Variants in CD163L1 observed in about 807,000 individuals in gnomAD.
CD163L1 encodes the protein scavenger receptor cysteine-rich type 1 protein M160.
A neutral mutation model predicts 165.4 loss-of-function variants in CD163L1; 124 were observed. That is an observed-to-expected ratio of 0.75 (90% CI 0.65 to 0.87). The LOEUF is 0.87. Ranked by LOEUF, CD163L1 falls within the 40% of genes least tolerant of loss-of-function variation. The pLI, the probability that CD163L1 is intolerant of heterozygous loss-of-function variation, is 0.00. For synonymous variants in CD163L1, 585 were observed against 662.2 expected (o/e 0.88, Z 1.79); for missense variants, 1,525 against 1,799.9 (o/e 0.85, Z 2.76).
chr12:7,339,504 C>T, the CD163L1 span, among the ~76,000 whole-genome samples: 1 of 152,176 alleles, frequency 6.6e-6, no homozygotes, highest in Non-Finnish European at 1.5e-5. Context: ...CTTTGCCCTT[C>T]ACCTCTGGGT....
the CD163L1 span, chr12:7,323,603 G>A: frequency 1.9e-6 from 3 of 1,545,472 alleles, no homozygotes; most frequent in South Asian, 3.4e-5. Context: ...TACAGACTTG[G>A]GTTCAAATTT....
intron 4 of CD163L1, among the ~76,000 whole-genome samples, chr12:7,349,112 A>G (rs931492370): frequency 6.6e-5 from 10 of 152,330 alleles, no homozygotes; most frequent in African/African-American, 2.4e-4. Flanking sequence ...GAATGTCTCT[A>G]CGGAAATATG....
At chr12:7,331,649 C>T in the CD163L1 span, among the ~76,000 whole-genome samples, 1 of 152,186 alleles carries the variant, frequency 6.6e-6, no homozygotes, top group Non-Finnish European at 1.5e-5. Context: ...CTGCAGCCAC[C>T]GCTGCTGATA....
intron 2 of CD163L1, 108 bp from the exon 3 acceptor site, chr12:7,433,802 G>T: frequency 1.2e-6 from 1 of 819,556 alleles, no homozygotes; most frequent in Non-Finnish European, 1.9e-6. Flanking sequence ...GTTGTTATTA[G>T]AACTTATAGT....
At chr12:7,333,275 A>G in the CD163L1 span, among the ~76,000 whole-genome samples, 1 of 152,230 alleles carries the variant, frequency 6.6e-6, no homozygotes, top group East Asian at 1.9e-4. Flanking sequence ...AAGAACAAAA[A>G]TTATAACAAA....
Position 7,374,954 on chromosome 12 carries a change from G to T in CD163L1, c.3002-31C>A. On this transcript the variant is annotated intron_variant, in intron 11 of 19. Transcript: ENST00000313599. This position sits in a 1 kb window ranked among gnomAD's most constrained non-coding sequence, Gnocchi z 5.4. ...GGAGGGTGCAGGAAATGGGGCAAAA[G>T]TAAGACCAAAATACATGGAAAAGGT... The T allele has an allele frequency of 6.3e-7, 1 of 1,586,340 alleles. No homozygotes were observed. Among genetic ancestry groups the T allele is most frequent in the Non-Finnish European group, 8.7e-7 (1 of 1,154,810 alleles).
Position 7,374,404 on chromosome 12 carries a change from G to A in CD163L1, c.3409+38C>T, listed in dbSNP as rs186935744. 7.9e-5 allele frequency: 123 copies of A among 1,564,728 alleles called. No individual in the cohort carries two copies. The African/African-American group carries it at 1.2e-3, about 15-fold the overall frequency. On this transcript the variant is annotated intron_variant, in intron 13 of 19. Coordinates refer to ENST00000313599, the MANE Select transcript of CD163L1 (RefSeq NM_174941.6). This position sits in a 1 kb window ranked among gnomAD's most constrained non-coding sequence, Gnocchi z 5.4. The stretch of plus-strand genomic sequence containing the variant: ...GTTGTGTGTGTGCAAGTGTGTGCAC[G>A]TGTGTGTAGAGGAGGGTGAAAAGGT...
chr12:7,419,940 C>T (rs1948316729), intron 4 of CD163L1, among the ~76,000 whole-genome samples: 1 of 151,952 alleles, frequency 6.6e-6, no homozygotes, highest in African/African-American at 2.4e-5. Context: ...CTGGAGGTAT[C>T]ACATAACTTC....
At chr12:7,442,592 CAG>C (rs1370196686) in intron 1 of CD163L1, among the ~76,000 whole-genome samples, 2 of 152,150 alleles carry the variant, frequency 1.3e-5, no homozygotes, top group Non-Finnish European at 2.9e-5. Context: ...TAGAACGAAA[CAG>C]GGAGAAATAA....
intron 4 of CD163L1, among the ~76,000 whole-genome samples, chr12:7,428,560 G>A (rs940789891): frequency 1.3e-5 from 2 of 151,988 alleles, no homozygotes; most frequent in Non-Finnish European, 2.9e-5. Flanking sequence ...CTGTAAGCCA[G>A]TATTTTGATA....
chr12:7,434,913 A>T (rs1383051553), intron 2 of CD163L1, among the ~76,000 whole-genome samples: 1 of 152,096 alleles, frequency 6.6e-6, no homozygotes, highest in African/African-American at 2.4e-5. Flanking sequence ...TCATAACTAG[A>T]AATTTTGGTT....
chr12:7,418,046 T>C (rs1948280809), intron 4 of CD163L1, among the ~76,000 whole-genome samples: 1 of 152,044 alleles, frequency 6.6e-6, no homozygotes, highest in South Asian at 2.1e-4. Flanking sequence ...TAACACACTT[T>C]TACAGAAAAT....
At chr12:7,421,725 A>G (rs1364625735) in intron 4 of CD163L1, among the ~76,000 whole-genome samples, 1 of 117,106 alleles carries the variant, frequency 8.5e-6, no homozygotes, top group Non-Finnish European at 1.7e-5. Flanking sequence ...ATATACGTAT[A>G]TATGTATATA....
Position 7,375,850 on chromosome 12 carries a change from C to A in CD163L1, c.2536G>T (p.Val846Leu). Residue 846 changes from valine (V) to leucine (L), a missense_variant, in exon 10 of 20, where the codon GTG becomes TTG. Val to Leu is a conservative substitution (Grantham distance 32). Transcript: ENST00000313599. ...TTCCCTTTTCCAAAGTGATCTCCCA[C>A]AGAAAGAGATATGGCATCTCCACAG... Reference protein sequence around the residue: ...LNCGDAISLSVGDHFGKGNGL... With the variant: ...LNCGDAISLSLGDHFGKGNGL... The A allele has an allele frequency of 6.2e-7, 1 of 1,614,216 alleles. No homozygotes were observed. Among genetic ancestry groups the A allele is most frequent in the South Asian group, 1.1e-5 (1 of 91,080 alleles).
chr12:7,418,631 T>C (rs1948291064), intron 4 of CD163L1, among the ~76,000 whole-genome samples: 1 of 151,890 alleles, frequency 6.6e-6, no homozygotes, highest in South Asian at 2.1e-4. Flanking sequence ...GATAAACAAT[T>C]AGTGAGATTA....
downstream of CD163L1, among the ~76,000 whole-genome samples, chr12:7,344,234 C>T (rs190858502): frequency 2.5e-3 from 383 of 152,110 alleles, no homozygotes; most frequent in African/African-American, 8.1e-3. Context: ...ACATGTGTCA[C>T]CTCACTTGGC....
At chr12:7,427,302 G>A (rs974668676) in intron 4 of CD163L1, among the ~76,000 whole-genome samples, 4 of 152,096 alleles carry the variant, frequency 2.6e-5, no homozygotes, top group African/African-American at 7.2e-5. Flanking sequence ...TAGATGGCAT[G>A]TCTTCATATC....
chr12:7,324,832 TAAA>T, the CD163L1 span, among the ~76,000 whole-genome samples: 9 of 136,692 alleles, frequency 6.6e-5, no homozygotes, highest in African/African-American at 8.1e-5. Flanking sequence ...TGCCTTAAGT[TAAA>T]AAAAAAAAAA....
chr12:7,425,146 A>G (rs557575670), intron 4 of CD163L1, among the ~76,000 whole-genome samples: 21 of 152,310 alleles, frequency 1.4e-4, no homozygotes, highest in East Asian at 7.7e-4. Context: ...ATATAGACCA[A>G]TGGAATAGAA....
Sources: allele counts gnomAD v4.1 joint callset (sites outside exome capture counted in the v4.1 genomes callset), GRCh38; gene constraint gnomAD v4.1.1; non-coding constraint Gnocchi (gnomAD v3.1); transcripts MANE v1.5; gene names NCBI Gene and HGNC (gene_info 2026-07-23, HGNC 2026-07-21).